Variants in LRRTM4 observed in about 807,000 individuals in gnomAD.
LRRTM4 encodes the protein leucine-rich repeat transmembrane neuronal protein 4.
A neutral mutation model predicts 47.6 loss-of-function variants in LRRTM4; 25 were observed. That is an observed-to-expected ratio of 0.53 (90% CI 0.38 to 0.73). LRRTM4 has a LOEUF of 0.73. Ranked by LOEUF, LRRTM4 falls within the 30% of genes least tolerant of loss-of-function variation. The pLI is 0.00. For missense variants in LRRTM4, 638 were observed against 713.4 expected (o/e 0.89, Z 1.20); for synonymous variants, 311 against 269.5 (o/e 1.15, Z -1.51).
chr2:76,975,899 G>A (rs1024856293), intron 3 of LRRTM4, among the ~76,000 whole-genome samples: 2 of 151,660 alleles, frequency 1.3e-5, no homozygotes, highest in African/African-American at 4.8e-5. Context: ...TTTGAGAAGA[G>A]GTACTTCCTG....
At chr2:77,508,793 T>A (rs62159466) in intron 3 of LRRTM4, among the ~76,000 whole-genome samples, 46,974 of 152,020 alleles carry the variant, frequency 0.31, 8,211 homozygotes, top group Middle Eastern at 0.41. Context: ...AATTATATAT[T>A]ACATACATAT....
At chr2:76,766,608 T>C (rs1442704320) in intron 3 of LRRTM4, among the ~76,000 whole-genome samples, 1 of 152,254 alleles carries the variant, frequency 6.6e-6, no homozygotes, top group Admixed American at 6.5e-5. Flanking sequence ...GATTCATTTC[T>C]GTAAGTAAGA....
intron 3 of LRRTM4, among the ~76,000 whole-genome samples, chr2:77,325,604 TTCTC>T (rs1195163261): frequency 2.0e-5 from 3 of 152,148 alleles, no homozygotes; most frequent in Non-Finnish European, 2.9e-5. Context: ...GCTAACACAA[TTCTC>T]TCTAATTCCT....
chr2:77,240,618 A>G lies in LRRTM4; in HGVS notation c.1551+277700T>C, dbSNP rs1359056829. Among the ~76,000 whole-genome samples the G allele has an allele frequency of 3.9e-5, 6 of 152,124 alleles. No homozygotes were observed. The East Asian group carries it at 1.2e-3, about 29-fold the overall frequency. ...AAAGAAATACATAAAGAAGAAATAC[A>G]GTGGTATTTATTTGAAGACAACATA... On this transcript the variant is annotated intron_variant, in intron 3 of 3. Transcript: ENST00000409884.
chr2:77,081,540 A>T (rs961472220), intron 3 of LRRTM4, among the ~76,000 whole-genome samples: 2 of 152,126 alleles, frequency 1.3e-5, no homozygotes, highest in Non-Finnish European at 2.9e-5. Flanking sequence ...AAACATATCT[A>T]TCTGCCACTC....
chr2:76,890,470 A>G lies in LRRTM4; in HGVS notation c.1552-141554T>C, dbSNP rs566728322. On this transcript the variant is annotated intron_variant, in intron 3 of 3. Transcript: ENST00000409884. ...CAAAAGAGGATGTAGGATCTGGTCA[A>G]TGTTGATTACATTTTCTAAGACTGT... is the stretch of plus-strand genomic sequence containing the variant. Among the ~76,000 whole-genome samples the G allele has an allele frequency of 3.9e-5, 6 of 152,134 alleles. No homozygotes were observed. In the South Asian group the frequency reaches 1.2e-3, roughly 31 times the overall value.
chr2:77,398,700 C>A (rs1448815140), intron 3 of LRRTM4, among the ~76,000 whole-genome samples: 1 of 151,968 alleles, frequency 6.6e-6, no homozygotes, highest in African/African-American at 2.4e-5. Flanking sequence ...CAGTAACTTA[C>A]ATTAAGTATA....
chr2:77,425,280 A>G (rs1675062229), intron 3 of LRRTM4, among the ~76,000 whole-genome samples: 1 of 152,194 alleles, frequency 6.6e-6, no homozygotes, highest in Non-Finnish European at 1.5e-5. Flanking sequence ...CTGACTTTTT[A>G]TACATTTCTC....
intron 3 of LRRTM4, among the ~76,000 whole-genome samples, chr2:77,323,082 TG>T (rs1670602464): frequency 1.3e-5 from 2 of 152,030 alleles, no homozygotes; most frequent in African/African-American, 2.4e-5. Context: ...TGTTGGCTCC[TG>T]GGGGGAACCA....
intron 3 of LRRTM4, among the ~76,000 whole-genome samples, chr2:77,179,686 G>A (rs1312488609): frequency 6.6e-6 from 1 of 151,990 alleles, no homozygotes; most frequent in African/African-American, 2.4e-5. Flanking sequence ...GGCTTCAGCT[G>A]GAGGAAAAAA....
At chr2:77,368,852 T>G (rs1443852871) in intron 3 of LRRTM4, among the ~76,000 whole-genome samples, 2 of 151,774 alleles carry the variant, frequency 1.3e-5, no homozygotes, top group Non-Finnish European at 3.0e-5. Context: ...CCTTTGGCGA[T>G]ATATGCAGGG....
chr2:76,840,779 G>C (rs753013945), intron 3 of LRRTM4, among the ~76,000 whole-genome samples: 1 of 152,072 alleles, frequency 6.6e-6, no homozygotes, highest in Non-Finnish European at 1.5e-5. Context: ...GAAACAACAG[G>C]TGCTGGAGAG....
chr2:77,132,399 G>A (rs568958813), intron 3 of LRRTM4, among the ~76,000 whole-genome samples: 2 of 152,076 alleles, frequency 1.3e-5, no homozygotes, highest in Non-Finnish European at 2.9e-5. Context: ...ATCTATTGAT[G>A]GACACTTAGG....
chr2:77,210,042 C>G (rs1401235329), intron 3 of LRRTM4, among the ~76,000 whole-genome samples: 1 of 152,166 alleles, frequency 6.6e-6, no homozygotes, highest in Non-Finnish European at 1.5e-5. Context: ...ATGTCAGACA[C>G]TACATCAATG....
intron 3 of LRRTM4, among the ~76,000 whole-genome samples, chr2:76,960,404 A>G (rs1434912223): frequency 2.0e-5 from 3 of 151,682 alleles, no homozygotes; most frequent in African/African-American, 7.2e-5. Context: ...TTATTACTAA[A>G]AAGACACAAA....
chr2:77,007,073 AG>A (rs1402794182), intron 3 of LRRTM4, among the ~76,000 whole-genome samples: 1 of 152,072 alleles, frequency 6.6e-6, no homozygotes, highest in Non-Finnish European at 1.5e-5. Flanking sequence ...TTAAAAAAAA[AG>A]ATTAAATTTT....
intron 3 of LRRTM4, among the ~76,000 whole-genome samples, chr2:76,760,636 A>G (rs1673220132): frequency 6.6e-6 from 1 of 152,036 alleles, no homozygotes; most frequent in Non-Finnish European, 1.5e-5. Context: ...GGTGTATCCA[A>G]TTCACCCACA....
chr2:77,056,118 C>G (rs891976128), intron 3 of LRRTM4, among the ~76,000 whole-genome samples: 26 of 151,060 alleles, frequency 1.7e-4, no homozygotes, highest in Middle Eastern at 3.4e-3. Flanking sequence ...TGCAGCACAC[C>G]AGCATGGCAC....
At chr2:76,806,116 A>G (rs1467338273) in intron 3 of LRRTM4, among the ~76,000 whole-genome samples, 1 of 152,166 alleles carries the variant, frequency 6.6e-6, no homozygotes, top group Non-Finnish European at 1.5e-5. Flanking sequence ...ACTTAGAAAC[A>G]TATTTAAGCA....
Sources: gnomAD v4.1 joint callset for allele counts (sites outside exome capture counted in the v4.1 genomes callset) on GRCh38, gnomAD v4.1.1 for gene constraint, MANE v1.5 for transcripts, NCBI Gene and HGNC (gene_info 2026-07-23, HGNC 2026-07-21) for gene names.